The following EPG5 variants were observed in gnomAD, a reference collection of about 807,000 sequenced individuals.
EPG5 encodes ectopic P granules protein 5 homolog.
EPG5 carries 159 observed loss-of-function variants against 302.7 expected under a neutral mutation model. The ratio of observed to expected loss-of-function variants is 0.53; its 90% CI spans 0.46 to 0.60. EPG5 has a LOEUF of 0.60. EPG5 is among the 20% of genes least tolerant of loss of function. The probability of loss-of-function intolerance (pLI) is 0.00; values close to 1 mark genes in which losing one functional copy is unlikely to be tolerated. For missense variants in EPG5, 2,896 were observed against 3,092.4 expected (o/e 0.94, Z 1.51); for synonymous variants, 1,158 against 1,136.8 (o/e 1.02, Z -0.37).
At chr18:45,866,404 A>C (rs1016076852) in intron 38 of EPG5, among the ~76,000 whole-genome samples, 10 of 152,278 alleles carry the variant, frequency 6.6e-5, no homozygotes, top group African/African-American at 2.4e-4. Flanking sequence ...TACAGGCGTG[A>C]GCCACCGCAC....
rs760250975 is a variant in EPG5, at chr18:45,946,684, T to C, written c.1656A>G (p.Leu552=). 88 of 1,613,944 alleles carry C rather than the reference T, an allele frequency of 5.5e-5. No individual in the cohort carries two copies. Among genetic ancestry groups the C allele is most frequent in the Non-Finnish European group, 7.2e-5 (85 of 1,179,940 alleles). The change falls in exon 7 of 44, where the codon CTA becomes CTG. Residue 552 remains leucine (L), a synonymous_variant. Coordinates refer to ENST00000282041, the MANE Select transcript of EPG5 (RefSeq NM_020964.3). ...SSGPGSGTWT[L]VDEGGEEDED... is the part of the protein sequence containing the mutation. The stretch of plus-strand genomic sequence containing the variant: ...TTACCTCTTCTCCTCCTTCGTCTAC[T>C]AGCGTCCAAGTCCCAGACCCAGGCC...
chr18:45,810,519 G>A, the EPG5 span, among the ~76,000 whole-genome samples: 1 of 152,170 alleles, frequency 6.6e-6, no homozygotes, highest in Non-Finnish European at 1.5e-5. Flanking sequence ...ATCCGGCCGG[G>A]CTCAGTAGCT....
intron 2 of EPG5, 144 bp downstream of exon 2, chr18:45,954,250 G>T: frequency 1.3e-6 from 1 of 750,390 alleles, no homozygotes; most frequent in Non-Finnish European, 2.1e-6. Flanking sequence ...GGCTCCTGCA[G>T]GCATTTGACT....
the EPG5 span, chr18:45,837,761 C>G: frequency 6.6e-7 from 1 of 1,520,154 alleles, no homozygotes; most frequent in Non-Finnish European, 8.8e-7. Context: ...GGGCAACCCG[C>G]GCCGCAACGA....
chr18:45,935,000 T>C, intron 10 of EPG5, 34 bp from the exon 11 acceptor site: 1 of 1,574,842 alleles, frequency 6.3e-7, no homozygotes, highest in Non-Finnish European at 8.6e-7. Context: ...TATTTATTAA[T>C]CAGCTTCATT....
chr18:45,947,736 T>C (rs753708462), intron 6 of EPG5, among the ~76,000 whole-genome samples: 10 of 152,018 alleles, frequency 6.6e-5, no homozygotes, highest in Non-Finnish European at 1.5e-4. Flanking sequence ...ACCTACATGT[T>C]CTCCATTGTC....
intron 28 of EPG5, among the ~76,000 whole-genome samples, 190 bp downstream of exon 28, chr18:45,889,608 T>C (rs574100533): frequency 6.6e-5 from 10 of 152,306 alleles, no homozygotes; most frequent in African/African-American, 2.2e-4. Flanking sequence ...TGGGGATGGC[T>C]GTGTTGCAAT....
rs757760213 is a variant in EPG5 at position 45,870,600 on chromosome 18, G to T, written c.6192C>A (p.His2064Gln). Residue 2064 changes from histidine to glutamine, a missense_variant, in exon 36 of 44, where the codon CAC becomes CAA. By Grantham distance (24) the His-to-Gln change is conservative (BLOSUM62 0). This residue lies in a region of EPG5 where 620 missense variants were observed against 704.2 expected (regional missense o/e 0.88). Transcript: ENST00000282041. ...AGGCCTCCATGAGCATCTGGTCAGGGTGCAGGTCCTTCCATGGCAGTTTCC... is the reference window on the plus strand; with the variant it reads ...AGGCCTCCATGAGCATCTGGTCAGGTTGCAGGTCCTTCCATGGCAGTTTCC... ...TYRKLPWKDL[H>Q]PDQMLMEAFF... 3.1e-6 allele frequency: 5 copies of T among 1,614,094 alleles called. No individual in the cohort carries two copies. The highest frequency in any genetic ancestry group is 4.2e-6 in the Non-Finnish European group (5 of 1,179,984).
chr18:45,845,257 A>G (rs1166708569), downstream of EPG5, among the ~76,000 whole-genome samples: 1 of 152,230 alleles, frequency 6.6e-6, no homozygotes, highest in East Asian at 1.9e-4. Context: ...AAGAAGCGCC[A>G]TTCCTCAGAG....
the EPG5 span, among the ~76,000 whole-genome samples, chr18:45,808,551 A>G: frequency 6.6e-6 from 1 of 152,200 alleles, no homozygotes; most frequent in Non-Finnish European, 1.5e-5. Context: ...CCTACACGCT[A>G]GAAGGGATTG....
chr18:45,912,549 T>C (rs1458963577), intron 21 of EPG5, 93 bp from the exon 22 acceptor site: 3 of 1,201,838 alleles, frequency 2.5e-6, no homozygotes, highest in Non-Finnish European at 2.3e-6. Context: ...ACACCAAACA[T>C]TCTGTTTTCA....
chr18:45,814,071 A>G, the EPG5 span, among the ~76,000 whole-genome samples: 3 of 152,154 alleles, frequency 2.0e-5, no homozygotes, highest in South Asian at 6.2e-4. Context: ...AATAACTGTA[A>G]AGGGAGAAAT....
intron 16 of EPG5, among the ~76,000 whole-genome samples, chr18:45,918,760 G>A (rs938278197): frequency 4.6e-5 from 7 of 152,094 alleles, no homozygotes; most frequent in African/African-American, 1.7e-4. Context: ...AAAGATACTA[G>A]GGAATAAGAC....
chr18:45,952,402 C>T lies in EPG5; in HGVS notation c.1250G>A (p.Arg417Gln), dbSNP rs369094716. ...AGAGAGCTTCATTACTTACATACCT[C>T]GGCCTTGCTGGTGAATTGCTGAAGA... is the stretch of plus-strand genomic sequence containing the variant. ...LRSSAIHQQG[R>Q]ASKQTESIPS... Residue 417 changes from arginine (R) to glutamine (Q), a missense_variant and splice_region_variant, in exon 3 of 44, where the codon CGA (arginine) becomes CAA (glutamine). By Grantham distance (43) the Arg-to-Gln change is conservative. Coordinates refer to ENST00000282041, the MANE Select transcript of EPG5 (RefSeq NM_020964.3). 1.3e-5 allele frequency: 21 copies of T among 1,613,724 alleles called. No homozygotes were observed. The highest frequency in any genetic ancestry group is 2.7e-5 in the African/African-American group (2 of 74,914).
intron 43 of EPG5, 81 bp downstream of exon 43, chr18:45,855,492 G>A (rs79671690): frequency 3.3e-4 from 307 of 919,756 alleles, no homozygotes; most frequent in African/African-American, 1.8e-3. Flanking sequence ...GTCATGACGC[G>A]CACAGGCTAC....
At chr18:45,922,727 C>T in intron 15 of EPG5, 127 bp from the exon 16 acceptor site, 2 of 1,160,800 alleles carry the variant, frequency 1.7e-6, no homozygotes, top group Non-Finnish European at 2.4e-6. Context: ...TGCTGGTCTC[C>T]AATTAATGTT....
intron 41 of EPG5, among the ~76,000 whole-genome samples, 166 bp from the exon 42 acceptor site, chr18:45,858,234 T>C (rs1403508702): frequency 6.6e-6 from 1 of 152,242 alleles, no homozygotes; most frequent in Non-Finnish European, 1.5e-5. Context: ...CACCGCCATC[T>C]GTGGAACACC....
At chr18:45,808,548 G>T in the EPG5 span, among the ~76,000 whole-genome samples, 1 of 152,134 alleles carries the variant, frequency 6.6e-6, no homozygotes, top group Non-Finnish European at 1.5e-5. Flanking sequence ...AATCCTACAC[G>T]CTAGAAGGGA....
Position 45,901,056 on chromosome 18 carries a change from C to T in EPG5, c.4586G>A (p.Ser1529Asn), listed in dbSNP as rs754958549. The change falls in exon 26 of 44, where the codon AGT becomes AAT. Residue 1529 changes from serine to asparagine, a missense_variant. Ser to Asn is a conservative substitution (Grantham distance 46). Coordinates refer to ENST00000282041, the MANE Select transcript of EPG5 (RefSeq NM_020964.3). ...CACCAGCTGGGTGGCGTCCTTCTGACTCAATAGCACAGCAGAGGAAATAAC... is the reference window on the plus strand; with the variant it reads ...CACCAGCTGGGTGGCGTCCTTCTGATTCAATAGCACAGCAGAGGAAATAAC... ...VPVISSAVLL[S>N]QKDATQLVCT... 4 of 1,614,142 alleles carry T rather than the reference C, an allele frequency of 2.5e-6. No individual in the cohort carries two copies. The highest frequency in any genetic ancestry group is 3.3e-5 in the Admixed American group (2 of 60,024).
Sources: gnomAD v4.1 joint callset for allele counts (sites outside exome capture counted in the v4.1 genomes callset) on GRCh38, gnomAD v4.1.1 for gene constraint, gnomAD v4.1.1 regional missense constraint, MANE v1.5 for transcripts, NCBI Gene and HGNC (gene_info 2026-07-23, HGNC 2026-07-21) for gene names.